The following CD2AP variants were observed in gnomAD, a reference collection of about 807,000 sequenced individuals.
CD2AP encodes CD2 associated protein, also known as CD2-associated protein.
In CD2AP, 46 loss-of-function variants were observed where a neutral mutation model predicts 85.1. The ratio of observed to expected loss-of-function variants is 0.54; its 90% CI spans 0.43 to 0.69. The LOEUF (loss-of-function observed/expected upper bound fraction) is 0.69. Ranked by LOEUF, CD2AP falls within the 30% of genes least tolerant of loss-of-function variation. The pLI is 0.00. For synonymous variants in CD2AP, 255 were observed against 252.9 expected (o/e 1.01, Z -0.08); for missense variants, 769 against 729.5 (o/e 1.05, Z -0.62).
intron 5 of CD2AP, among the ~76,000 whole-genome samples, chr6:47,560,836 C>G (rs1767840429): frequency 1.3e-5 from 2 of 152,146 alleles, no homozygotes; most frequent in South Asian, 4.1e-4. Flanking sequence ...GACTTTCACT[C>G]AACAGTTTTA....
intron 1 of CD2AP, among the ~76,000 whole-genome samples, chr6:47,487,254 G>A (rs565279315): frequency 4.6e-5 from 7 of 152,106 alleles, no homozygotes; most frequent in South Asian, 2.1e-4. Context: ...TTCAGAATGC[G>A]TGTCAAATGG....
At position 47,596,036 on chromosome 6, in the gene CD2AP, A is replaced by T. The variant is rs766277158; in HGVS notation, c.1274+10A>T. The T allele has an allele frequency of 6.2e-7, 1 of 1,605,554 alleles. No homozygotes were observed. The highest frequency in any genetic ancestry group is 1.7e-5 in the Admixed American group (1 of 59,884). ...CACCTCCTATAGCCAAGTAAGTTTT[A>T]CCTAATTTTAAATTAGCTTACTGAT... On this transcript the variant is annotated intron_variant, in intron 12 of 17. Coordinates refer to ENST00000359314, the MANE Select transcript of CD2AP (RefSeq NM_012120.3).
chr6:47,546,476 T>G (rs1053542098), intron 4 of CD2AP, among the ~76,000 whole-genome samples: 1 of 151,968 alleles, frequency 6.6e-6, no homozygotes, highest in African/African-American at 2.4e-5. Context: ...GACCTAGACA[T>G]CCAAATATAA....
intron 1 of CD2AP, among the ~76,000 whole-genome samples, chr6:47,495,980 C>G (rs1765848150): frequency 6.6e-6 from 1 of 152,076 alleles, no homozygotes; most frequent in Admixed American, 6.5e-5. Flanking sequence ...TTTAATTTTT[C>G]TGTATTTTTA....
At chr6:47,486,616 T>G (rs759589454) in intron 1 of CD2AP, among the ~76,000 whole-genome samples, 25 of 152,028 alleles carry the variant, frequency 1.6e-4, no homozygotes, top group Middle Eastern at 3.2e-3. Flanking sequence ...TGGCAAAGAG[T>G]CTTTAGAATG....
At chr6:47,615,278 G>T (rs1193662903) in intron 17 of CD2AP, among the ~76,000 whole-genome samples, 2 of 152,132 alleles carry the variant, frequency 1.3e-5, no homozygotes, top group Non-Finnish European at 2.9e-5. Context: ...AACATGTAAG[G>T]ATTATTGTTC....
At position 47,626,678 on chromosome 6, in the gene CD2AP, T is replaced by A. The variant is rs1443936271; in HGVS notation, c.*2451T>A. The A allele has an allele frequency of 2.0e-5, 3 of 152,450 alleles. No individual in the cohort carries two copies. Among genetic ancestry groups the A allele is most frequent in the Non-Finnish European group, 4.4e-5 (3 of 67,890 alleles). The allele number at this position is 152,450 out of a possible 1,614,324, so 9.4% of individuals were successfully genotyped here. ...TGAAGATGTAAAGAGAGAACAGGCCTTGTGTAACAGAAGATACTCTTTTTT... is the reference window on the plus strand; with the variant it reads ...TGAAGATGTAAAGAGAGAACAGGCCATGTGTAACAGAAGATACTCTTTTTT... On this transcript the variant is annotated 3_prime_UTR_variant, in exon 18 of 18. Coordinates refer to ENST00000359314, the MANE Select transcript of CD2AP (RefSeq NM_012120.3).
intron 3 of CD2AP, among the ~76,000 whole-genome samples, chr6:47,540,174 CAAAA>C (rs373888400): frequency 3.6e-5 from 2 of 55,626 alleles, no homozygotes; most frequent in African/African-American, 6.5e-5. Context: ...GGCCCTGTCT[CAAAA>C]AAAAAAAAAA....
intron 4 of CD2AP, among the ~76,000 whole-genome samples, chr6:47,551,441 A>G (rs2114057259): frequency 6.6e-6 from 1 of 152,310 alleles, no homozygotes. Flanking sequence ...GGTTGCAGTA[A>G]TAATAGTTAA....
rs1554182282 is a variant in CD2AP at position 47,589,565 on chromosome 6, C to CATAT, written c.1109-6283_1109-6280dup. Among the ~76,000 whole-genome samples the CATAT allele has an allele frequency of 3.3e-3, 394 of 120,990 alleles. 3 individuals are homozygous for CATAT. Among genetic ancestry groups the CATAT allele is most frequent in the African/African-American group, 0.011 (378 of 33,652 alleles). The allele number at this position is 120,990 out of a possible 152,430, so 79.4% of individuals were successfully genotyped here. A position where few individuals can be genotyped will look rare whatever the true frequency, so the allele number is the denominator to read the frequency against. ...ACACATATATATACACACACACACA[C>CATAT]ATATATATATATATATTTGTCAGAG... is the stretch of plus-strand genomic sequence containing the variant. On this transcript the variant is annotated intron_variant, in intron 11 of 17. Coordinates refer to ENST00000359314, the MANE Select transcript of CD2AP (RefSeq NM_012120.3).
chr6:47,566,126 A>G (rs1463044816), intron 5 of CD2AP, among the ~76,000 whole-genome samples: 3 of 151,968 alleles, frequency 2.0e-5, no homozygotes, highest in Admixed American at 2.0e-4. Context: ...TGTCTGATTC[A>G]GGATTCTCTC....
chr6:47,610,485 C>G (rs1322995713), intron 16 of CD2AP, among the ~76,000 whole-genome samples: 1 of 152,060 alleles, frequency 6.6e-6, no homozygotes, highest in African/African-American at 2.4e-5. Flanking sequence ...GCCATGTTCC[C>G]TCTGAGCCTG....
rs540170861 is a variant in CD2AP at position 47,549,257 on chromosome 6, C to T, written c.420+4551C>T. 9.2e-5 allele frequency among the ~76,000 whole-genome samples: 14 copies of T among 152,186 alleles called. No individual in the cohort carries two copies. In the South Asian group the frequency reaches 2.9e-3, roughly 32 times the overall value. ...GCATCCAACTTGGTAAAGAGGAAGT[C>T]ACACTGTCACTGTTTGCTGATGATA... On this transcript the variant is annotated intron_variant, in intron 4 of 17. Coordinates refer to ENST00000359314, the MANE Select transcript of CD2AP (RefSeq NM_012120.3).
chr6:47,503,219 T>C (rs1408981296), intron 1 of CD2AP, 61 bp from the exon 2 acceptor site: 1 of 1,433,984 alleles, frequency 7.0e-7, no homozygotes, highest in Admixed American at 1.7e-5. Context: ...AATTTATTAA[T>C]ATAGTTTACA....
At chr6:47,537,438 C>G (rs7753305) in intron 3 of CD2AP, among the ~76,000 whole-genome samples, 50,553 of 151,780 alleles carry the variant, frequency 0.33, 9,278 homozygotes, top group Middle Eastern at 0.52. Flanking sequence ...ACAGGGTAGG[C>G]TGTTCTAACT....
At chr6:47,499,047 T>C (rs1217810936) in intron 1 of CD2AP, among the ~76,000 whole-genome samples, 1 of 152,244 alleles carries the variant, frequency 6.6e-6, no homozygotes, top group Non-Finnish European at 1.5e-5. Flanking sequence ...GTAAGAACCC[T>C]TTTGATATCA....
Position 47,609,115 on chromosome 6 carries a change from GT to G in CD2AP, c.1633-4del, listed in dbSNP as rs1562055372. The G allele has an allele frequency of 6.3e-7, 1 of 1,577,970 alleles. No homozygotes were observed. The highest frequency in any genetic ancestry group is 1.2e-5 in the South Asian group (1 of 83,262). ...ATAAAATCAGAAATTTTTTTTTTAC[GT>G]TTTCAGCCATCTGTGTACCTTTCAA... is the stretch of plus-strand genomic sequence containing the variant. On this transcript the variant is annotated splice_polypyrimidine_tract_variant and splice_region_variant and intron_variant, in intron 15 of 17. Coordinates refer to ENST00000359314, the MANE Select transcript of CD2AP (RefSeq NM_012120.3).
At position 47,612,566 on chromosome 6, in the gene CD2AP, T is replaced by C. The variant is rs751530974; in HGVS notation, c.1878+30T>C. The C allele has an allele frequency of 5.4e-6, 8 of 1,491,002 alleles. 1 individual carries two copies. The highest frequency in any genetic ancestry group is 4.6e-5 in the South Asian group (4 of 87,886). The allele number at this position is 1,491,002 out of a possible 1,614,324, so 92.4% of individuals were successfully genotyped here. On this transcript the variant is annotated intron_variant, in intron 17 of 17. Coordinates refer to ENST00000359314, the MANE Select transcript of CD2AP (RefSeq NM_012120.3). The stretch of plus-strand genomic sequence containing the variant: ...TTAATTTCTTCCAGCATTGAGAGTT[T>C]AGTGAGCATAAACTGGACATGTTTT...
intron 17 of CD2AP, among the ~76,000 whole-genome samples, chr6:47,620,176 G>T (rs1410233503): frequency 6.6e-6 from 1 of 152,144 alleles, no homozygotes; most frequent in Non-Finnish European, 1.5e-5. Flanking sequence ...TTATCTTCAA[G>T]AATTTTTATA....
Sources: gnomAD v4.1 joint callset for allele counts (sites outside exome capture counted in the v4.1 genomes callset) on GRCh38, gnomAD v4.1.1 for gene constraint, MANE v1.5 for transcripts, NCBI Gene and HGNC (gene_info 2026-07-23, HGNC 2026-07-21) for gene names.